MECOM: variants seen among roughly 807,000 people sequenced by gnomAD.
MECOM encodes the protein MDS1 and EVI1 complex locus, also known as histone-lysine N-methyltransferase MECOM.
Under a neutral mutation model 116.3 loss-of-function variants are expected in MECOM, and 13 were observed. That is an observed-to-expected ratio of 0.11 (90% confidence interval 0.07 to 0.18). The LOEUF (loss-of-function observed/expected upper bound fraction) is 0.18. Ranked by LOEUF, MECOM falls within the 10% of genes least tolerant of loss-of-function variation. The probability of loss-of-function intolerance (pLI) is 1.00; values close to 1 mark genes in which losing one functional copy is unlikely to be tolerated. For synonymous variants in MECOM, 528 were observed against 535.2 expected (o/e 0.99, Z 0.19); for missense variants, 1,299 against 1,509.0 (o/e 0.86, Z 2.31).
rs181746022 is a variant in MECOM at position 169,223,378 on chromosome 3, A to G, written c.376-79546T>C. 1.6e-3 allele frequency among the ~76,000 whole-genome samples: 230 copies of G among 146,480 alleles called. 1 individual carries two copies. The highest frequency in any genetic ancestry group is 1.8e-3 in the Admixed American group (25 of 14,120). On this transcript the variant is annotated intron_variant, in intron 2 of 16. Coordinates refer to ENST00000651503, the MANE Select transcript of MECOM (RefSeq NM_004991.4). ...TCAATTCCCACCTATGAGTGAGAAC[A>G]TGTGGTGTTTGGTTTTCTGTCCTTG...
At chr3:169,305,932 C>T (rs1247172252) in intron 2 of MECOM, among the ~76,000 whole-genome samples, 3 of 151,986 alleles carry the variant, frequency 2.0e-5, no homozygotes, top group African/African-American at 4.8e-5. Flanking sequence ...TCCACCTAGA[C>T]ACACATTAGT....
At chr3:169,098,894 C>T (rs938367859) in intron 12 of MECOM, among the ~76,000 whole-genome samples, 1 of 152,020 alleles carries the variant, frequency 6.6e-6, no homozygotes, top group Non-Finnish European at 1.5e-5. Context: ...GTACATAGTA[C>T]CCATTTTCCC....
At chr3:169,130,039 T>C (rs1307099622) in intron 4 of MECOM, among the ~76,000 whole-genome samples, 1 of 151,814 alleles carries the variant, frequency 6.6e-6, no homozygotes, top group Non-Finnish European at 1.5e-5. Flanking sequence ...ATAAGAATTA[T>C]ATGTAACATA....
rs76319371 is a variant in MECOM, at chr3:169,247,121, T to C, written c.376-103289A>G. Among the ~76,000 whole-genome samples the C allele has an allele frequency of 7.9e-5, 12 of 152,282 alleles. No homozygotes were observed. In the East Asian group the frequency reaches 2.3e-3, roughly 29 times the overall value. The stretch of plus-strand genomic sequence containing the variant: ...CAACCGTATCTTTATTATTAAACCT[T>C]CTGTGTTGCAAAAAACCTCTGAAAC... On this transcript the variant is annotated intron_variant, in intron 2 of 16. Coordinates refer to ENST00000651503, the MANE Select transcript of MECOM (RefSeq NM_004991.4).
intron 1 of MECOM, chr3:169,483,849 A>ATCTTGC (rs1252121020): frequency 6.8e-5 from 110 of 1,611,412 alleles, no homozygotes; most frequent in Admixed American, 6.3e-4. Flanking sequence ...TGTCACGGTG[A>ATCTTGC]TCTTGCTCTT....
intron 2 of MECOM, among the ~76,000 whole-genome samples, chr3:169,227,169 T>C (rs569603530): frequency 3.3e-5 from 5 of 152,260 alleles, no homozygotes; most frequent in African/African-American, 1.2e-4. Flanking sequence ...GTACTAATAT[T>C]AGCAAGAGCT....
intron 2 of MECOM, among the ~76,000 whole-genome samples, chr3:169,229,031 C>T (rs1368061260): frequency 6.6e-6 from 1 of 152,064 alleles, no homozygotes; most frequent in Admixed American, 6.6e-5. Context: ...ATTATATGGC[C>T]CAAGCTTTTC....
chr3:169,245,750 G>C (rs1755507958), intron 2 of MECOM, among the ~76,000 whole-genome samples: 1 of 152,144 alleles, frequency 6.6e-6, no homozygotes, highest in Admixed American at 6.5e-5. Flanking sequence ...ACGCAGTACA[G>C]AGCATTGAGT....
intron 1 of MECOM, among the ~76,000 whole-genome samples, chr3:169,654,184 T>A (rs1020141089): frequency 6.6e-6 from 1 of 152,218 alleles, no homozygotes; most frequent in African/African-American, 2.4e-5. Flanking sequence ...CAAATCTTTA[T>A]CAGGAGAGTC....
At chr3:169,340,306 C>G (rs1162356820) in intron 2 of MECOM, among the ~76,000 whole-genome samples, 2 of 152,174 alleles carry the variant, frequency 1.3e-5, no homozygotes, top group Non-Finnish European at 2.9e-5. Flanking sequence ...TGATCGATGG[C>G]ATCACTCTAG....
intron 1 of MECOM, among the ~76,000 whole-genome samples, chr3:169,456,337 G>A (rs962739064): frequency 3.3e-5 from 5 of 152,164 alleles, no homozygotes; most frequent in African/African-American, 7.2e-5. Flanking sequence ...TCATTGTCAC[G>A]AAATTCATTT....
In MECOM at chr3:169,499,424, T is replaced by TC. The variant is rs1221964735; in HGVS notation, c.38-117901_38-117900insG. Among the ~76,000 whole-genome samples the TC allele has an allele frequency of 1.5e-4, 21 of 142,634 alleles. No homozygotes were observed. In the East Asian group the frequency reaches 4.3e-3, roughly 29 times the overall value. The allele number at this position is 142,634 out of a possible 152,430, so 93.6% of individuals were successfully genotyped here. A position where few individuals can be genotyped will look rare whatever the true frequency, so the allele number is the denominator to read the frequency against. ...TGTTCTCCTCAATAACCAGAGCTGC[T>TC]AAAAAACAATGGACAAGTATTTTCA... is the stretch of plus-strand genomic sequence containing the variant. On this transcript the variant is annotated intron_variant, in intron 1 of 16. Transcript: ENST00000651503.
intron 2 of MECOM, among the ~76,000 whole-genome samples, chr3:169,265,260 T>C (rs983267933): frequency 1.3e-5 from 2 of 152,166 alleles, no homozygotes; most frequent in East Asian, 1.9e-4. Flanking sequence ...ACCTTCTTCA[T>C]AGGGCTCTGC....
intron 1 of MECOM, among the ~76,000 whole-genome samples, chr3:169,423,388 T>C (rs895459615): frequency 1.3e-5 from 2 of 152,142 alleles, no homozygotes; most frequent in African/African-American, 4.8e-5. Context: ...TAAAAAGTTT[T>C]ATGTTTCCAT....
At chr3:169,500,912 A>G (rs1432453361) in intron 1 of MECOM, among the ~76,000 whole-genome samples, 1 of 152,022 alleles carries the variant, frequency 6.6e-6, no homozygotes, top group Non-Finnish European at 1.5e-5. Context: ...AAAGTCTCAA[A>G]GGAGAGAGGA....
At chr3:169,101,081 C>G in intron 11 of MECOM, 119 bp from the exon 12 acceptor site, 1 of 494,802 alleles carries the variant, frequency 2.0e-6, no homozygotes, top group Non-Finnish European at 3.4e-6. Flanking sequence ...ACTCACATTT[C>G]TTTGGTATTT....
chr3:169,149,232 G>A (rs937862877), intron 2 of MECOM, among the ~76,000 whole-genome samples: 2 of 151,982 alleles, frequency 1.3e-5, no homozygotes, highest in Admixed American at 6.6e-5. Flanking sequence ...CAGACAGTGC[G>A]GCCTGATCAG....
At chr3:169,470,961 GTTTGT>G (rs1403616498) in intron 1 of MECOM, among the ~76,000 whole-genome samples, 2 of 151,916 alleles carry the variant, frequency 1.3e-5, no homozygotes, top group Non-Finnish European at 2.9e-5. Flanking sequence ...TGTTTTGTTT[GTTTGT>G]TTTGAGACAG....
chr3:169,396,617 C>T (rs1001486858), intron 1 of MECOM, among the ~76,000 whole-genome samples: 4 of 152,228 alleles, frequency 2.6e-5, no homozygotes, highest in Admixed American at 2.0e-4. Flanking sequence ...TACTATGTGG[C>T]TCACATTTGT....
Sources: gnomAD v4.1 joint callset for allele counts (sites outside exome capture counted in the v4.1 genomes callset) on GRCh38, gnomAD v4.1.1 for gene constraint, MANE v1.5 for transcripts, NCBI Gene and HGNC (gene_info 2026-07-23, HGNC 2026-07-21) for gene names.